Variants in ABCC8 observed in about 807,000 individuals in gnomAD.
ABCC8 encodes the protein ATP binding cassette subfamily C member 8.
In ABCC8, 137 loss-of-function variants were observed where a neutral mutation model predicts 188.0. The observed-to-expected ratio is 0.73, with a 90% confidence interval of 0.63 to 0.84. ABCC8 has a LOEUF of 0.84. Among genes scored for constraint, ABCC8 ranks in the 40% least tolerant of loss-of-function variants. ABCC8 has a pLI of 0.00. For synonymous variants in ABCC8, 797 were observed against 846.5 expected (o/e 0.94, Z 1.01); for missense variants, 1,750 against 2,072.7 (o/e 0.84, Z 3.02).
At chr11:17,450,706 TGAGATGAA>T (rs1956783060) in intron 7 of ABCC8, among the ~76,000 whole-genome samples, 1 of 141,056 alleles carries the variant, frequency 7.1e-6, no homozygotes, top group Non-Finnish European at 1.5e-5. Context: ...TTTTTTTTTT[TGAGATGAA>T]GTCTCACTCT....
rs774190963 is a variant in ABCC8 at position 17,400,791 on chromosome 11, C to T, written c.3650+1870G>A. ...TCGCTTCTGCATCTGGAGAATGTGGCGATTCGTACCTATGTTATGTGGTCC... is the reference window on the plus strand; with the variant it reads ...TCGCTTCTGCATCTGGAGAATGTGGTGATTCGTACCTATGTTATGTGGTCC... On this transcript the variant is annotated intron_variant, in intron 29 of 38. Coordinates refer to ENST00000389817, the MANE Select transcript of ABCC8 (RefSeq NM_000352.6). Among the ~76,000 whole-genome samples, 25 of 152,250 alleles carry T rather than the reference C, an allele frequency of 1.6e-4. 1 individual carries two copies. The highest frequency in any genetic ancestry group is 6.2e-4 in the South Asian group (3 of 4,822).
Position 17,395,266 on chromosome 11 carries a change from C to T in ABCC8, c.4317G>A (p.Leu1439=), listed in dbSNP as rs1487687955. The change falls in exon 36 of 39, where the codon CTG becomes CTA. Residue 1439 remains leucine (L), a synonymous_variant. Transcript: ENST00000389817. Reference sequence around the variant, plus strand: ...TATCTGAGCACTTCCTCTCAGGGTCCAGGTTAAATCTGGAAGTGGCACAGA... The same window carrying T: ...TATCTGAGCACTTCCTCTCAGGGTCTAGGTTAAATCTGGAAGTGGCACAGA... The part of the protein sequence containing the change: ...VLFSGTIRFN[L]DPERKCSDST... 2 of 1,590,482 alleles carry T rather than the reference C, an allele frequency of 1.3e-6. No homozygotes were observed. Among genetic ancestry groups the T allele is most frequent in the East Asian group, 2.3e-5 (1 of 44,176 alleles).
chr11:17,434,304 T>G (rs1465634773), intron 10 of ABCC8, among the ~76,000 whole-genome samples: 12 of 152,230 alleles, frequency 7.9e-5, no homozygotes, highest in Non-Finnish European at 5.9e-5. Flanking sequence ...AAAAATAGGC[T>G]GAGTGTTGGA....
intron 10 of ABCC8, among the ~76,000 whole-genome samples, chr11:17,434,984 C>CGCGTGTGTGT (rs71457876): frequency 0.16 from 23,764 of 144,458 alleles, 2,059 homozygotes; most frequent in Middle Eastern, 0.27. Context: ...CGTGTGTTCG[C>CGCGTGTGTGT]GTGTGTGTGT....
chr11:17,394,262 C>A lies in ABCC8; in HGVS notation c.4545+4G>T. On this transcript the variant is annotated splice_donor_region_variant and intron_variant, in intron 37 of 38. Transcript: ENST00000389817. ...ATGGTCCCATGGAGGGGCCCAGGAC[C>A]AACCGTGGCCATGTCAATGGAAGCC... is the stretch of plus-strand genomic sequence containing the variant. The A allele has an allele frequency of 6.2e-7, 1 of 1,613,738 alleles. No individual in the cohort carries two copies. Among genetic ancestry groups the A allele is most frequent in the South Asian group, 1.1e-5 (1 of 91,082 alleles).
At position 17,404,822 on chromosome 11, in the gene ABCC8, C is replaced by T. The variant is rs1393950454; in HGVS notation, c.3400-153G>A. 33 of 748,482 alleles carry T rather than the reference C, an allele frequency of 4.4e-5. No homozygotes were observed. Among genetic ancestry groups the T allele is most frequent in the South Asian group, 6.1e-5 (1 of 16,510 alleles). The allele number at this position is 748,482 out of a possible 1,614,324, so 46.4% of individuals were successfully genotyped here. A position where few individuals can be genotyped will look rare whatever the true frequency, so the allele number is the denominator to read the frequency against. ...TGTTGCCCAGACTTGAGTGCAGCAG[C>T]GTAATCTCGGTTCACGGCAGCCTCT... On this transcript the variant is annotated intron_variant, in intron 27 of 38. Transcript: ENST00000389817. The surrounding 1 kb of genome is among the most constrained non-coding windows in gnomAD (Gnocchi z 4.7).
Position 17,427,902 on chromosome 11 carries a change from G to A in ABCC8, c.2081C>T (p.Pro694Leu). 1 of 1,614,052 alleles carries A rather than the reference G, an allele frequency of 6.2e-7. No individual in the cohort carries two copies. The highest frequency in any genetic ancestry group is 1.3e-5 in the African/African-American group (1 of 75,044). The change falls in exon 15 of 39, where the codon CCC (proline) becomes CTC (leucine). Residue 694 changes from proline (P) to leucine (L), a missense_variant. By Grantham distance (98) the Pro-to-Leu change is moderately conservative (BLOSUM62 -3). Coordinates refer to ENST00000389817, the MANE Select transcript of ABCC8 (RefSeq NM_000352.6). The surrounding 1 kb of genome is among the most constrained non-coding windows in gnomAD (Gnocchi z 5.0). ...GYFTWTPDGIPTLSNITIRIP... is the reference protein window; with the variant it reads ...GYFTWTPDGILTLSNITIRIP... ...ACGAATGGTGATGTTGGACAGTGTG[G>A]GGATTCCATCTGGGGTCCACGTGAA...
intron 7 of ABCC8, among the ~76,000 whole-genome samples, chr11:17,449,126 C>T (rs1333563239): frequency 6.6e-6 from 1 of 152,110 alleles, no homozygotes; most frequent in Non-Finnish European, 1.5e-5. Flanking sequence ...TGGGGTTTTG[C>T]CATGTTGGCC....
At chr11:17,467,639 C>G (rs2133702190) in intron 3 of ABCC8, among the ~76,000 whole-genome samples, 1 of 152,322 alleles carries the variant, frequency 6.6e-6, no homozygotes, top group Middle Eastern at 3.4e-3. Flanking sequence ...ATGGTTCCCT[C>G]ACGGGACAAT....
At chr11:17,407,667 A>T (rs1954609384) in intron 23 of ABCC8, among the ~76,000 whole-genome samples, 1 of 151,460 alleles carries the variant, frequency 6.6e-6, no homozygotes, top group Non-Finnish European at 1.5e-5. Context: ...GTGGGGAACC[A>T]CTCTTCCCCT....
In ABCC8 at chr11:17,469,893, C is replaced by T. The variant is rs76542475; in HGVS notation, c.412+208G>A. 0.056 allele frequency among the ~76,000 whole-genome samples: 8,569 copies of T among 152,192 alleles called. 310 individuals carry two copies. Among genetic ancestry groups the T allele is most frequent in the African/African-American group, 0.1 (4,194 of 41,506 alleles). On this transcript the variant is annotated intron_variant, in intron 3 of 38. Coordinates refer to ENST00000389817, the MANE Select transcript of ABCC8 (RefSeq NM_000352.6). Reference sequence around the variant, plus strand: ...TTGATTTTCTTCATAGCATCCCCACCACCTATTTGTTTGCTTGTTTATTCA... The same window carrying T: ...TTGATTTTCTTCATAGCATCCCCACTACCTATTTGTTTGCTTGTTTATTCA...
chr11:17,410,464 A>G, intron 22 of ABCC8, 52 bp downstream of exon 22: 2 of 1,594,734 alleles, frequency 1.3e-6, no homozygotes, highest in Non-Finnish European at 1.7e-6. Context: ...AAGATGCCTG[A>G]CAGCCTCCCC....
chr11:17,443,923 C>T (rs1956422889), intron 8 of ABCC8, among the ~76,000 whole-genome samples: 1 of 152,130 alleles, frequency 6.6e-6, no homozygotes, highest in Admixed American at 6.5e-5. Flanking sequence ...GTCCCCAAAG[C>T]GCCAAGATGA....
At position 17,410,499 on chromosome 11, in the gene ABCC8, C is replaced by A. The variant is rs771284990; in HGVS notation, c.2694+17G>T. 1.2e-6 allele frequency: 2 copies of A among 1,614,058 alleles called. No individual in the cohort carries two copies. The highest frequency in any genetic ancestry group is 2.2e-5 in the East Asian group (1 of 44,864). On this transcript the variant is annotated intron_variant, in intron 22 of 38. Coordinates refer to ENST00000389817, the MANE Select transcript of ABCC8 (RefSeq NM_000352.6). ...CAGCCCTGCCCCCTATAGCCTGACC[C>A]CCTTGTTCCCCCTCACCCAGTCTGC... is the stretch of plus-strand genomic sequence containing the variant.
Position 17,397,719 on chromosome 11 carries a change from C to T in ABCC8, c.3832G>A (p.Gly1278Ser). 6.2e-7 allele frequency: 1 copy of T among 1,613,730 alleles called. No homozygotes were observed. Among genetic ancestry groups the T allele is most frequent in the Non-Finnish European group, 8.5e-7 (1 of 1,180,004 alleles). ...TAGGTAAGGCCCAGGCCCACCAGGCCAGCAGAGAGCTCCCTGTGCAGGGAG... is the reference window on the plus strand; with the variant it reads ...TAGGTAAGGCCCAGGCCCACCAGGCTAGCAGAGAGCTCCCTGTGCAGGGAG... The part of the protein sequence containing the change: ...SNSLHRELSA[G>S]LVGLGLTYAL... Residue 1278 changes from glycine (G) to serine (S), a missense_variant, in exon 31 of 39, where the codon GGC (glycine) becomes AGC (serine). Gly to Ser is a moderately conservative substitution (Grantham distance 56). Transcript: ENST00000389817.
At chr11:17,461,389 G>T in intron 5 of ABCC8, 194 bp downstream of exon 5, 1 of 702,652 alleles carries the variant, frequency 1.4e-6, no homozygotes, top group East Asian at 2.7e-5. Flanking sequence ...TTCCAACTGT[G>T]CCTGTCCTAT....
chr11:17,405,055 G>A (rs956902358), intron 27 of ABCC8, among the ~76,000 whole-genome samples: 2 of 152,174 alleles, frequency 1.3e-5, no homozygotes, highest in African/African-American at 4.8e-5. Flanking sequence ...GTGAGCCACT[G>A]AGCCCGGCCT....
At chr11:17,409,097 T>C (rs1227261005) in intron 22 of ABCC8, among the ~76,000 whole-genome samples, 1 of 150,036 alleles carries the variant, frequency 6.7e-6, no homozygotes, top group Admixed American at 6.7e-5. Flanking sequence ...GGACCACAGG[T>C]GCACGCCACC....
chr11:17,405,713 TC>T, intron 26 of ABCC8, 150 bp from the exon 27 acceptor site: 5 of 1,476,042 alleles, frequency 3.4e-6, no homozygotes, highest in Non-Finnish European at 4.6e-6. Flanking sequence ...CTGGCCTGTA[TC>T]CCCGTGAATT....
Sources: gnomAD v4.1 joint callset for allele counts (sites outside exome capture counted in the v4.1 genomes callset) on GRCh38, gnomAD v4.1.1 for gene constraint, Gnocchi (gnomAD v3.1) non-coding constraint, MANE v1.5 for transcripts, NCBI Gene and HGNC (gene_info 2026-07-23, HGNC 2026-07-21) for gene names.